The following ONECUT2 variants were observed in gnomAD, a reference collection of about 807,000 sequenced individuals.
ONECUT2 encodes one cut homeobox 2.
A neutral mutation model predicts 27.9 loss-of-function variants in ONECUT2; 10 were observed. The ratio of observed to expected loss-of-function variants is 0.36; its 90% confidence interval spans 0.22 to 0.61. The LOEUF (loss-of-function observed/expected upper bound fraction) is 0.61, where lower values mean the gene tolerates loss of function less well. Among genes scored for constraint, ONECUT2 ranks in the 20% least tolerant of loss-of-function variants. The pLI is 0.73. For synonymous variants in ONECUT2, 334 were observed against 315.1 expected, an observed-to-expected ratio of 1.06 and a Z score of -0.64; for missense variants, 686 against 721.0, an observed-to-expected ratio of 0.95 and a Z score of 0.56.
chr18:57,455,286 C>T (rs910222391), intron 1 of ONECUT2, among the ~76,000 whole-genome samples: 1 of 152,158 alleles, frequency 6.6e-6, no homozygotes, highest in Non-Finnish European at 1.5e-5. Context: ...GAAAGAAAAC[C>T]TGTAGACATC....
At chr18:57,459,836 G>A (rs1000216654) in intron 1 of ONECUT2, among the ~76,000 whole-genome samples, 2 of 152,332 alleles carry the variant, frequency 1.3e-5, no homozygotes, top group East Asian at 3.9e-4. Flanking sequence ...TGGGATTATA[G>A]GCGTGAGCCA....
chr18:57,475,408 T>C (rs1390485858), intron 1 of ONECUT2, among the ~76,000 whole-genome samples: 1 of 152,180 alleles, frequency 6.6e-6, no homozygotes, highest in Non-Finnish European at 1.5e-5. Context: ...TGATTTGTAA[T>C]ACTGTATTTA....
chr18:57,438,324 T>C (rs2050155168), intron 1 of ONECUT2, among the ~76,000 whole-genome samples: 1 of 152,214 alleles, frequency 6.6e-6, no homozygotes, highest in African/African-American at 2.4e-5. Flanking sequence ...GGGGGGTATC[T>C]TTCAGGATCG....
rs964644918 is a variant in ONECUT2, at chr18:57,482,220, A to C, written c.*5497A>C. ...TCTCAATGCCTGTTTTCTATCAATGATTTGTTTGTTTCCAAGGTCGGGGAG... is the reference window on the plus strand; with the variant it reads ...TCTCAATGCCTGTTTTCTATCAATGCTTTGTTTGTTTCCAAGGTCGGGGAG... On this transcript the variant is annotated 3_prime_UTR_variant, in exon 2 of 2. Coordinates refer to ENST00000491143, the MANE Select transcript of ONECUT2 (RefSeq NM_004852.3). 2.6e-5 allele frequency: 4 copies of C among 152,084 alleles called. No homozygotes were observed. Among genetic ancestry groups the C allele is most frequent in the Admixed American group, 2.6e-4 (4 of 15,250 alleles). 9.4% of individuals were successfully genotyped at this position (152,084 alleles called of 1,614,324 possible).
chr18:57,462,723 C>CTTTTTTTTTTT (rs57032206), intron 1 of ONECUT2, among the ~76,000 whole-genome samples: 2 of 69,000 alleles, frequency 2.9e-5, no homozygotes, highest in African/African-American at 5.9e-5. Context: ...TATTTTCTTT[C>CTTTTTTTTTTT]TTTTTTTTTT....
rs1209858801 is a variant in ONECUT2, at chr18:57,484,380, C to G, written c.*7657C>G. 1 of 152,592 alleles carries G rather than the reference C, an allele frequency of 6.6e-6. No homozygotes were observed. The highest frequency in any genetic ancestry group is 1.5e-5 in the Non-Finnish European group (1 of 68,024). The allele number at this position is 152,592 out of a possible 1,614,324, so 9.5% of individuals were successfully genotyped here. A position where few individuals can be genotyped will look rare whatever the true frequency, so the allele number is the denominator to read the frequency against. On this transcript the variant is annotated 3_prime_UTR_variant, in exon 2 of 2. Coordinates refer to ENST00000491143, the MANE Select transcript of ONECUT2 (RefSeq NM_004852.3). The stretch of plus-strand genomic sequence containing the variant: ...TCTTTTATAATTTGAACGATTTTCT[C>G]TGACATATGGTATGTACAGCCACAG...
intron 1 of ONECUT2, among the ~76,000 whole-genome samples, chr18:57,438,594 G>A (rs1428082104): frequency 6.6e-6 from 1 of 152,234 alleles, no homozygotes; most frequent in Non-Finnish European, 1.5e-5. Context: ...CGCTTTGACA[G>A]CATTTTCCTT....
In ONECUT2 at chr18:57,476,491, A is replaced by C; in HGVS notation, c.1283A>C (p.Lys428Thr). 6.2e-7 allele frequency: 1 copy of C among 1,614,238 alleles called. No homozygotes were observed. The highest frequency in any genetic ancestry group is 1.1e-5 in the South Asian group (1 of 91,090). Residue 428 changes from lysine (K) to threonine (T), a missense_variant, in exon 2 of 2, where the codon AAG becomes ACG. Around this residue, in one of 4 missense-constraint regions of ONECUT2, gnomAD observed 51 missense variants for 41.3 expected, o/e 1.23. Transcript: ENST00000491143. Reference protein sequence around the residue: ...PNKDRNNSQKKSRLVFTDLQR... With the variant: ...PNKDRNNSQKTSRLVFTDLQR... ...AAAGACAGGAACAATTCCCAGAAGA[A>C]GTCCCGCCTGGTGTTCACTGACCTC... is the stretch of plus-strand genomic sequence containing the variant.
chr18:57,482,803 G>A lies in ONECUT2; in HGVS notation c.*6080G>A, dbSNP rs886079984. On this transcript the variant is annotated 3_prime_UTR_variant, in exon 2 of 2. Transcript: ENST00000491143. ...GCTTCATACGTATATACTGTAATCC[G>A]TTACAACAAATAAATTTTAAATCAT... 10 of 152,144 alleles carry A rather than the reference G, an allele frequency of 6.6e-5. No homozygotes were observed. Among genetic ancestry groups the A allele is most frequent in the Admixed American group, 1.3e-4 (2 of 15,274 alleles). 9.4% of individuals were successfully genotyped at this position (152,144 alleles called of 1,614,324 possible). A position where few individuals can be genotyped will look rare whatever the true frequency, so the allele number is the denominator to read the frequency against.
intron 1 of ONECUT2, among the ~76,000 whole-genome samples, chr18:57,461,932 G>A (rs1278461813): frequency 6.6e-6 from 1 of 152,244 alleles, no homozygotes; most frequent in Non-Finnish European, 1.5e-5. Context: ...TCTGCTACAA[G>A]AGAGTCTTTC....
rs940461602 is a variant in ONECUT2, at chr18:57,489,732, A to G, written c.*13009A>G. 3 of 152,090 alleles carry G rather than the reference A, an allele frequency of 2.0e-5. No homozygotes were observed. Among genetic ancestry groups the G allele is most frequent in the African/African-American group, 4.8e-5 (2 of 41,414 alleles). 9.4% of individuals were successfully genotyped at this position (152,090 alleles called of 1,614,324 possible). ...GATACTTCCTTGAAGGTAGAATATT[A>G]TTTCCTTTCTTTACAGTTTTGTGTT... On this transcript the variant is annotated 3_prime_UTR_variant, in exon 2 of 2. Coordinates refer to ENST00000491143, the MANE Select transcript of ONECUT2 (RefSeq NM_004852.3).
intron 1 of ONECUT2, among the ~76,000 whole-genome samples, chr18:57,470,391 C>G (rs2050346734): frequency 6.6e-6 from 1 of 152,166 alleles, no homozygotes. Context: ...CTAATTGAGT[C>G]ACCCTAAACA....
At chr18:57,461,406 T>A (rs1337069363) in intron 1 of ONECUT2, among the ~76,000 whole-genome samples, 1 of 152,254 alleles carries the variant, frequency 6.6e-6, no homozygotes, top group Non-Finnish European at 1.5e-5. Context: ...TTCTTGTACA[T>A]GTACATGCAT....
intron 1 of ONECUT2, among the ~76,000 whole-genome samples, chr18:57,451,722 G>C (rs1341203853): frequency 6.6e-6 from 1 of 152,170 alleles, no homozygotes; most frequent in Non-Finnish European, 1.5e-5. Flanking sequence ...GGAGGGTAAA[G>C]GGCGGAAAAT....
Position 57,435,790 on chromosome 18 carries a change from CA to C in ONECUT2, c.76del (p.Met26TrpfsTer106). On this transcript the variant is annotated frameshift_variant, in exon 1 of 2. Coordinates refer to ENST00000491143, the MANE Select transcript of ONECUT2 (RefSeq NM_004852.3). LOFTEE classifies it high-confidence loss of function. ...GGCTGCGCCATGAACCCGGAGCTGA[CA>C]ATGGAAAGTCTGGGCACTTTGCACG... Reference protein sequence around the residue: ...LEGCAMNPELTMESLGTLHGP... With the variant: ...LEGCAMNPELXMESLGTLHGP... 5 of 1,258,120 alleles carry C rather than the reference CA, an allele frequency of 4.0e-6. No individual in the cohort carries two copies. Among genetic ancestry groups the C allele is most frequent in the Non-Finnish European group, 5.2e-6 (5 of 966,846 alleles). The allele number at this position is 1,258,120 out of a possible 1,614,324, so 77.9% of individuals were successfully genotyped here. A position where few individuals can be genotyped will look rare whatever the true frequency, so the allele number is the denominator to read the frequency against.
At chr18:57,442,794 C>G (rs1400231594) in intron 1 of ONECUT2, among the ~76,000 whole-genome samples, 1 of 152,150 alleles carries the variant, frequency 6.6e-6, no homozygotes, top group East Asian at 1.9e-4. Flanking sequence ...AAACTGATTA[C>G]CCCAGATTCT....
At position 57,476,413 on chromosome 18, in the gene ONECUT2, C is replaced by T. The variant is rs1598945091; in HGVS notation, c.1229-24C>T. On this transcript the variant is annotated intron_variant, in intron 1 of 1. Transcript: ENST00000491143. ...TTCTCAGGTGAGCCCACTGACTCCTCTCCTTCTTCTCTTTCCCTTCAAGCG... is the reference window on the plus strand; with the variant it reads ...TTCTCAGGTGAGCCCACTGACTCCTTTCCTTCTTCTCTTTCCCTTCAAGCG... 7 of 1,608,918 alleles carry T rather than the reference C, an allele frequency of 4.4e-6. No individual in the cohort carries two copies. The East Asian group carries it at 1.6e-4, about 36-fold the overall frequency.
chr18:57,452,801 G>A (rs914245599), intron 1 of ONECUT2, among the ~76,000 whole-genome samples: 1 of 152,144 alleles, frequency 6.6e-6, no homozygotes, highest in Non-Finnish European at 1.5e-5. Context: ...CAAATTCCAG[G>A]GGAGCAAAGG....
At chr18:57,448,436 A>G (rs1472382211) in intron 1 of ONECUT2, among the ~76,000 whole-genome samples, 1 of 152,188 alleles carries the variant, frequency 6.6e-6, no homozygotes, top group Non-Finnish European at 1.5e-5. Context: ...TTTGATGTTG[A>G]AAAAAATTGT....
Sources: gnomAD v4.1 joint callset for allele counts (sites outside exome capture counted in the v4.1 genomes callset) on GRCh38, gnomAD v4.1.1 for gene constraint, gnomAD v4.1.1 regional missense constraint, MANE v1.5 for transcripts, NCBI Gene and HGNC (gene_info 2026-07-23, HGNC 2026-07-21) for gene names.